Variants in DPYD observed in about 807,000 individuals in gnomAD.
DPYD encodes the protein dihydropyrimidine dehydrogenase [NADP(+)].
In DPYD, 109 loss-of-function variants were observed where a neutral mutation model predicts 116.2. The ratio of observed to expected loss-of-function variants is 0.94; its 90% confidence interval spans 0.80 to 1.10. The LOEUF is 1.10. Among genes scored for constraint, DPYD ranks in the 50% least tolerant of loss-of-function variants. DPYD has a pLI of 0.00. For missense variants in DPYD, 1,302 were observed against 1,254.5 expected, an observed-to-expected ratio of 1.04 and a Z score of -0.57; for synonymous variants, 440 against 432.0, an observed-to-expected ratio of 1.02 and a Z score of -0.23.
chr1:97,892,510 G>T (rs1672829666), intron 1 of DPYD, among the ~76,000 whole-genome samples: 1 of 151,732 alleles, frequency 6.6e-6, no homozygotes, highest in Non-Finnish European at 1.5e-5. Flanking sequence ...GAAGAGGAGA[G>T]AATGCAGCTT....
intron 18 of DPYD, among the ~76,000 whole-genome samples, chr1:97,257,480 G>A (rs867471689): frequency 2.9e-4 from 43 of 148,684 alleles, no homozygotes; most frequent in South Asian, 8.7e-4. Flanking sequence ...GAGAGAGCAC[G>A]TGAGTTATGT....
At chr1:97,909,342 GTAA>G (rs1673807390) in intron 1 of DPYD, among the ~76,000 whole-genome samples, 1 of 151,956 alleles carries the variant, frequency 6.6e-6, no homozygotes, top group Non-Finnish European at 1.5e-5. Context: ...CTTTATACAA[GTAA>G]TTATCCTGTC....
rs775324597 is a variant in DPYD, at chr1:97,411,752, T to TTTTGTA, written c.1906-29292_1906-29291insTACAAA. ...TTCAAAATGTTTCTTCTCAGAAGCA[T>TTTTGTA]GACAAAGTGATTTAGAGTAGAAGTA... On this transcript the variant is annotated intron_variant, in intron 14 of 22. Coordinates refer to ENST00000370192, the MANE Select transcript of DPYD (RefSeq NM_000110.4). Among the ~76,000 whole-genome samples, 9 of 152,310 alleles carry TTTTGTA rather than the reference T, an allele frequency of 5.9e-5. No individual in the cohort carries two copies. In the South Asian group the frequency reaches 1.7e-3, roughly 28 times the overall value.
At chr1:97,332,696 C>G (rs1669075531) in intron 16 of DPYD, among the ~76,000 whole-genome samples, 1 of 152,094 alleles carries the variant, frequency 6.6e-6, no homozygotes, top group Non-Finnish European at 1.5e-5. Context: ...ATCACAAACT[C>G]TGGAAAAATG....
intron 20 of DPYD, among the ~76,000 whole-genome samples, chr1:97,128,201 A>G (rs1479652921): frequency 6.6e-6 from 1 of 152,240 alleles, no homozygotes; most frequent in Non-Finnish European, 1.5e-5. Flanking sequence ...ATGCAATGCA[A>G]TAAGTTTTCT....
At chr1:97,112,275 A>G (rs1651654707) in intron 20 of DPYD, among the ~76,000 whole-genome samples, 1 of 152,176 alleles carries the variant, frequency 6.6e-6, no homozygotes, top group Non-Finnish European at 1.5e-5. Flanking sequence ...AAGTCAATGG[A>G]TTAAGCATGT....
At chr1:97,331,420 C>T (rs1668992467) in intron 16 of DPYD, among the ~76,000 whole-genome samples, 1 of 152,088 alleles carries the variant, frequency 6.6e-6, no homozygotes, top group Non-Finnish European at 1.5e-5. Context: ...TTCGAGGTTA[C>T]AGTAAGCTAT....
At chr1:97,115,518 G>A (rs1651901995) in intron 20 of DPYD, among the ~76,000 whole-genome samples, 1 of 152,136 alleles carries the variant, frequency 6.6e-6, no homozygotes, top group African/African-American at 2.4e-5. Flanking sequence ...AGAGAAAGCA[G>A]GATTACAGCA....
At chr1:97,686,670 A>G (rs896933453) in intron 7 of DPYD, among the ~76,000 whole-genome samples, 2 of 146,008 alleles carry the variant, frequency 1.4e-5, no homozygotes, top group African/African-American at 5.0e-5. Context: ...AAAAAGACTT[A>G]CATATAAAAC....
chr1:97,205,357 T>C (rs951261769), intron 19 of DPYD, among the ~76,000 whole-genome samples: 1 of 151,888 alleles, frequency 6.6e-6, no homozygotes, highest in South Asian at 2.1e-4. Context: ...ACCACTGATC[T>C]TTTTTACTGT....
At chr1:97,315,623 A>G (rs1667786029) in intron 16 of DPYD, among the ~76,000 whole-genome samples, 1 of 152,000 alleles carries the variant, frequency 6.6e-6, no homozygotes, top group African/African-American at 2.4e-5. Context: ...ATTCTAGGAA[A>G]GTCAAAGAAG....
intron 11 of DPYD, among the ~76,000 whole-genome samples, chr1:97,550,302 A>C (rs1347086276): frequency 2.0e-5 from 3 of 152,052 alleles, no homozygotes; most frequent in Non-Finnish European, 4.4e-5. Flanking sequence ...ATACAGTTAC[A>C]TTTAGCCAGC....
chr1:97,257,609 C>A (rs957034857), intron 18 of DPYD, among the ~76,000 whole-genome samples: 3 of 151,170 alleles, frequency 2.0e-5, no homozygotes, highest in South Asian at 2.1e-4. Flanking sequence ...AGTATATCTT[C>A]CCAGCTATTT....
intron 10 of DPYD, among the ~76,000 whole-genome samples, chr1:97,579,473 T>C (rs770858219): frequency 8.5e-5 from 13 of 152,240 alleles, no homozygotes; most frequent in East Asian, 1.9e-4. Context: ...AAAAAGCAAA[T>C]GGTGTTCCTC....
intron 14 of DPYD, among the ~76,000 whole-genome samples, chr1:97,402,538 A>G (rs557109672): frequency 6.6e-6 from 1 of 152,180 alleles, no homozygotes; most frequent in Non-Finnish European, 1.5e-5. Flanking sequence ...CTGATTTTCT[A>G]TGTACACAAT....
At chr1:97,782,129 C>CA (rs1666780098) in intron 3 of DPYD, among the ~76,000 whole-genome samples, 1 of 152,176 alleles carries the variant, frequency 6.6e-6, no homozygotes, top group Admixed American at 6.5e-5. Flanking sequence ...GAAGTAAACT[C>CA]AGACACCTTT....
At chr1:97,728,376 T>C (rs1163794644) in intron 4 of DPYD, among the ~76,000 whole-genome samples, 1 of 152,054 alleles carries the variant, frequency 6.6e-6, no homozygotes, top group African/African-American at 2.4e-5. Context: ...TACTTTGCTT[T>C]TTATTTAAAA....
At chr1:97,369,624 G>A (rs1188929254) in intron 16 of DPYD, among the ~76,000 whole-genome samples, 1 of 152,102 alleles carries the variant, frequency 6.6e-6, no homozygotes, top group African/African-American at 2.4e-5. Flanking sequence ...GGGAGGGAAT[G>A]GAAGAAGAGT....
chr1:97,088,650 A>T (rs1205020690), intron 21 of DPYD, among the ~76,000 whole-genome samples: 2 of 151,826 alleles, frequency 1.3e-5, no homozygotes, highest in Non-Finnish European at 2.9e-5. Flanking sequence ...AGGTTTGTGG[A>T]TTTCCATGCA....
Sources: allele counts gnomAD v4.1 joint callset (sites outside exome capture counted in the v4.1 genomes callset), GRCh38; gene constraint gnomAD v4.1.1; transcripts MANE v1.5; gene names NCBI Gene and HGNC (gene_info 2026-07-23, HGNC 2026-07-21).